DNAH11: variants seen among roughly 807,000 people sequenced by gnomAD.
The protein encoded by DNAH11 is axonemal beta dynein heavy chain 11.
In DNAH11, 442 loss-of-function variants were observed where a neutral mutation model predicts 526.0. The observed-to-expected ratio is 0.84, with a 90% CI of 0.78 to 0.91. The LOEUF is 0.91. DNAH11 is among the 40% of genes least tolerant of loss of function. DNAH11 has a pLI of 0.00. For missense variants in DNAH11, 6,989 were observed against 5,448.7 expected, an observed-to-expected ratio of 1.28 and a Z score of -8.90; for synonymous variants, 2,461 against 1,935.9, an observed-to-expected ratio of 1.27 and a Z score of -7.12.
intron 35 of DNAH11, among the ~76,000 whole-genome samples, chr7:21,692,929 T>C (rs1198687453): frequency 6.6e-6 from 1 of 152,214 alleles, no homozygotes; most frequent in Non-Finnish European, 1.5e-5. Context: ...CTAATGATGT[T>C]GAGCCTCTTT....
chr7:21,751,375 C>G (rs1215474845), intron 54 of DNAH11, among the ~76,000 whole-genome samples: 1 of 152,152 alleles, frequency 6.6e-6, no homozygotes, highest in African/African-American at 2.4e-5. Flanking sequence ...CCCCAGTGTT[C>G]TTCCTCATTG....
chr7:21,737,384 G>A lies in DNAH11; in HGVS notation c.7646-1317G>A, dbSNP rs754983599. 3.3e-5 allele frequency among the ~76,000 whole-genome samples: 5 copies of A among 152,132 alleles called. No individual in the cohort carries two copies. The South Asian group carries it at 1.0e-3, about 32-fold the overall frequency. ...ATGGGACTTGTAGTTTTAAAACTGG[G>A]ACAATCCCAGGCAACCACCGATGGT... is the stretch of plus-strand genomic sequence containing the variant. On this transcript the variant is annotated intron_variant, in intron 46 of 81. Transcript: ENST00000409508.
intron 14 of DNAH11, among the ~76,000 whole-genome samples, chr7:21,593,593 G>C (rs555279749): frequency 1.3e-5 from 2 of 152,274 alleles, no homozygotes; most frequent in East Asian, 3.9e-4. Context: ...GTAAATACCT[G>C]TAGAAGGTGT....
intron 49 of DNAH11, among the ~76,000 whole-genome samples, chr7:21,743,981 G>C (rs1299941337): frequency 6.6e-6 from 1 of 152,174 alleles, no homozygotes; most frequent in African/African-American, 2.4e-5. Context: ...GTTGGTGCTA[G>C]ACCCACATCT....
intron 2 of DNAH11, among the ~76,000 whole-genome samples, chr7:21,557,268 C>T (rs527612687): frequency 1.3e-5 from 2 of 152,240 alleles, no homozygotes; most frequent in South Asian, 2.1e-4. Context: ...GCACCATACT[C>T]CCTGAGTCCC....
intron 25 of DNAH11, among the ~76,000 whole-genome samples, chr7:21,635,498 C>T (rs1419988561): frequency 6.6e-6 from 1 of 152,062 alleles, no homozygotes; most frequent in Non-Finnish European, 1.5e-5. Context: ...ACAATCTTGG[C>T]ATGACTAATA....
At position 21,633,938 on chromosome 7, in the gene DNAH11, C is replaced by G. The variant is rs541578974; in HGVS notation, c.4501-1933C>G. On this transcript the variant is annotated intron_variant, in intron 25 of 81. Coordinates refer to ENST00000409508, the MANE Select transcript of DNAH11 (RefSeq NM_001277115.2). ...ATGTTAAGACTCTAGTTTCCTTGGA[C>G]TATAGATTTTCTTTATGGGGGTAGT... Among the ~76,000 whole-genome samples, 5 of 152,294 alleles carry G rather than the reference C, an allele frequency of 3.3e-5. No homozygotes were observed. The East Asian group carries it at 9.6e-4, about 29-fold the overall frequency.
intron 54 of DNAH11, among the ~76,000 whole-genome samples, chr7:21,750,808 T>A (rs192528143): frequency 3.9e-4 from 60 of 152,230 alleles, no homozygotes; most frequent in Non-Finnish European, 6.3e-4. Context: ...GGAAATGGCA[T>A]TTATATAAAG....
rs370772112 is a variant in DNAH11 at position 21,860,559 on chromosome 7, G to C, written c.11203-1294G>C. ...GAAGCAACCCAGATGTCCGTCAGTG[G>C]ATGAATAGATGAATCAAATGTTGTA... On this transcript the variant is annotated intron_variant, in intron 68 of 81. Transcript: ENST00000409508. Among the ~76,000 whole-genome samples, 5 of 152,262 alleles carry C rather than the reference G, an allele frequency of 3.3e-5. 1 individual carries two copies. Among genetic ancestry groups the C allele is most frequent in the African/African-American group, 1.2e-4 (5 of 41,540 alleles).
At chr7:21,585,792 G>C (rs1187448290) in intron 9 of DNAH11, among the ~76,000 whole-genome samples, 1 of 152,168 alleles carries the variant, frequency 6.6e-6, no homozygotes, top group Non-Finnish European at 1.5e-5. Flanking sequence ...CAATGGCAAT[G>C]GTGTTATGAA....
chr7:21,786,141 T>C (rs1352617743), intron 58 of DNAH11, among the ~76,000 whole-genome samples: 1 of 152,190 alleles, frequency 6.6e-6, no homozygotes, highest in Non-Finnish European at 1.5e-5. Flanking sequence ...TGAGAGTTCC[T>C]GTAGTGTAAT....
chr7:21,750,812 T>C (rs1171494734), intron 54 of DNAH11, among the ~76,000 whole-genome samples: 1 of 152,080 alleles, frequency 6.6e-6, no homozygotes, highest in Non-Finnish European at 1.5e-5. Flanking sequence ...ATGGCATTTA[T>C]ATAAAGGTCA....
chr7:21,896,358 C>T (rs367797666), intron 79 of DNAH11, among the ~76,000 whole-genome samples: 10 of 152,260 alleles, frequency 6.6e-5, no homozygotes, highest in Admixed American at 2.6e-4. Context: ...TTTACTTATA[C>T]GTAGAATTAT....
intron 66 of DNAH11, among the ~76,000 whole-genome samples, chr7:21,847,527 G>T (rs944644666): frequency 6.6e-6 from 1 of 152,094 alleles, no homozygotes; most frequent in Admixed American, 6.5e-5. Flanking sequence ...ACGTAATTTT[G>T]TTGTGGTCTG....
intron 77 of DNAH11, 40 bp from the exon 78 acceptor site, chr7:21,894,583 G>T: frequency 6.3e-7 from 1 of 1,597,654 alleles, no homozygotes; most frequent in Non-Finnish European, 8.5e-7. Flanking sequence ...GACGAAAACT[G>T]AAATAGAAAG....
intron 27 of DNAH11, 65 bp from the exon 28 acceptor site, chr7:21,638,874 G>A (rs1274316441): frequency 3.0e-5 from 47 of 1,542,066 alleles, no homozygotes; most frequent in Non-Finnish European, 4.0e-5. Context: ...CTTGAGTTTT[G>A]TTTTGCCGAA....
At position 21,606,504 on chromosome 7, in the gene DNAH11, G is replaced by T; in HGVS notation, c.3727G>T (p.Glu1243Ter). ...RHEVSPLHNAEVTLIRKKCIL... is the reference protein window; with the variant it reads ...RHEVSPLHNA ...TGAAGTCTCACCTCTCCATAATGCGGAAGTCACTCTTATAAGGAAAAAATG... is the reference window on the plus strand; with the variant it reads ...TGAAGTCTCACCTCTCCATAATGCGTAAGTCACTCTTATAAGGAAAAAATG... Residue 1243 changes from glutamate to a stop codon, truncating the protein, a stop_gained, in exon 19 of 82, where the codon GAA (glutamate) becomes TAA (stop). Transcript: ENST00000409508. LOFTEE classifies it high-confidence loss of function. 1.2e-6 allele frequency: 2 copies of T among 1,611,130 alleles called. No individual in the cohort carries two copies. Among genetic ancestry groups the T allele is most frequent in the Non-Finnish European group, 8.5e-7 (1 of 1,179,258 alleles).
intron 67 of DNAH11, among the ~76,000 whole-genome samples, chr7:21,853,169 T>C (rs1782708175): frequency 6.6e-6 from 1 of 152,224 alleles, no homozygotes; most frequent in Admixed American, 6.5e-5. Context: ...GGCTTCCTGC[T>C]AATGTCCAAC....
At chr7:21,855,064 C>T (rs1782788619) in intron 68 of DNAH11, among the ~76,000 whole-genome samples, 2 of 145,138 alleles carry the variant, frequency 1.4e-5, no homozygotes, top group South Asian at 4.3e-4. Context: ...TGGAGTCTCC[C>T]TCTGTCGCCC....
Sources: allele counts gnomAD v4.1 joint callset (sites outside exome capture counted in the v4.1 genomes callset), GRCh38; gene constraint gnomAD v4.1.1; transcripts MANE v1.5; gene names NCBI Gene and HGNC (gene_info 2026-07-23, HGNC 2026-07-21).